Variants in PDCD6IP observed in about 807,000 individuals in gnomAD.
The protein encoded by PDCD6IP is programmed cell death 6 interacting protein.
PDCD6IP carries 43 observed loss-of-function variants against 103.7 expected under a neutral mutation model. That is an observed-to-expected ratio of 0.41 (90% CI 0.32 to 0.53). PDCD6IP has a LOEUF of 0.53. Among genes scored for constraint, PDCD6IP ranks in the 20% least tolerant of loss-of-function variants. PDCD6IP has a pLI of 0.16. For missense variants in PDCD6IP, 871 were observed against 1,036.7 expected, an observed-to-expected ratio of 0.84 and a Z score of 2.20; for synonymous variants, 354 against 378.7, an observed-to-expected ratio of 0.93 and a Z score of 0.76.
intron 6 of PDCD6IP, chr3:33,826,996 A>G (rs1309601309): frequency 1.0e-6 from 1 of 991,668 alleles, no homozygotes; most frequent in Non-Finnish European, 1.2e-6. Flanking sequence ...AAAAACAGAC[A>G]TAAAGAAAAA....
At chr3:33,814,804 G>T (rs1696806390) in intron 3 of PDCD6IP, among the ~76,000 whole-genome samples, 1 of 141,812 alleles carries the variant, frequency 7.1e-6, no homozygotes, top group Admixed American at 7.4e-5. Context: ...ATACATTTAT[G>T]TGTATGTATA....
At chr3:33,839,477 TTTTATGGTTATACGGCAGTATTCC>T (rs1559788400) in intron 9 of PDCD6IP, among the ~76,000 whole-genome samples, 1 of 76,932 alleles carries the variant, frequency 1.3e-5, no homozygotes, top group African/African-American at 4.9e-5. Flanking sequence ...CAGTATTCCA[TTTTATGGTTATACGGCAGTATTCC>T]ATTTTATGGT....
At chr3:33,854,392 G>A (rs1575941902) in intron 14 of PDCD6IP, among the ~76,000 whole-genome samples, 1 of 152,158 alleles carries the variant, frequency 6.6e-6, no homozygotes, top group Admixed American at 6.5e-5. Context: ...TGACTTTTAT[G>A]TTCTCTGCGG....
At chr3:33,852,032 T>G (rs568366521) in intron 12 of PDCD6IP, among the ~76,000 whole-genome samples, 1 of 152,292 alleles carries the variant, frequency 6.6e-6, no homozygotes, top group East Asian at 1.9e-4. Context: ...GGGAGTAGAA[T>G]GTAGAGTGGC....
intron 1 of PDCD6IP, among the ~76,000 whole-genome samples, chr3:33,810,039 CTTG>C (rs1463306027): frequency 6.6e-6 from 1 of 152,092 alleles, no homozygotes; most frequent in African/African-American, 2.4e-5. Context: ...AGTTAATAAG[CTTG>C]TTGTACTAAT....
At chr3:33,842,696 A>AT (rs1223797768) in intron 10 of PDCD6IP, among the ~76,000 whole-genome samples, 4 of 152,192 alleles carry the variant, frequency 2.6e-5, no homozygotes, top group African/African-American at 9.6e-5. Context: ...AAGTTCCTGT[A>AT]TATTTTTCAC....
intron 1 of PDCD6IP, among the ~76,000 whole-genome samples, chr3:33,801,975 G>A (rs1324994602): frequency 6.6e-6 from 1 of 152,162 alleles, no homozygotes; most frequent in Non-Finnish European, 1.5e-5. Context: ...TTTTTAGTAT[G>A]ACACCTGCAT....
chr3:33,860,835 A>G (rs990470980), intron 15 of PDCD6IP, among the ~76,000 whole-genome samples: 2 of 152,176 alleles, frequency 1.3e-5, no homozygotes, highest in Non-Finnish European at 1.5e-5. Flanking sequence ...TAGTGCTGGC[A>G]TGAATGTTGT....
chr3:33,858,993 A>G (rs1364534327), intron 15 of PDCD6IP, among the ~76,000 whole-genome samples: 3 of 152,236 alleles, frequency 2.0e-5, no homozygotes, highest in Non-Finnish European at 4.4e-5. Flanking sequence ...CAGGAAAACA[A>G]TAAAAAGAGT....
At chr3:33,842,403 A>G (rs1314432989) in intron 10 of PDCD6IP, among the ~76,000 whole-genome samples, 1 of 152,136 alleles carries the variant, frequency 6.6e-6, no homozygotes, top group Non-Finnish European at 1.5e-5. Flanking sequence ...CATAGCATGT[A>G]GCAAGATTTT....
intron 12 of PDCD6IP, among the ~76,000 whole-genome samples, chr3:33,846,897 G>C (rs981860882): frequency 3.3e-5 from 5 of 152,178 alleles, no homozygotes; most frequent in Non-Finnish European, 4.4e-5. Context: ...GTTACCTTTA[G>C]TGTAGAGTAA....
intron 6 of PDCD6IP, chr3:33,827,788 C>T (rs534099651): frequency 5.3e-5 from 8 of 152,248 alleles, no homozygotes; most frequent in African/African-American, 1.9e-4. Flanking sequence ...TCCAGCCTTA[C>T]CTTGAGAACT....
rs1698143647 is a variant in PDCD6IP, at chr3:33,869,624, T to TTTATC, written c.*3103_*3107dup. 6.6e-6 allele frequency: 1 copy of TTTATC among 152,188 alleles called. No individual in the cohort carries two copies. The highest frequency in any genetic ancestry group is 1.5e-5 in the Non-Finnish European group (1 of 68,020). 9.4% of individuals were successfully genotyped at this position (152,188 alleles called of 1,614,324 possible). ...TTGGATTATATTTTTATTGTATTCA[T>TTTATC]TTATCTTAGGGGGAACATTGTAAAG... On this transcript the variant is annotated 3_prime_UTR_variant, in exon 18 of 18. Transcript: ENST00000307296.
At chr3:33,864,167 C>T in intron 16 of PDCD6IP, 38 bp downstream of exon 16, 1 of 1,174,546 alleles carries the variant, frequency 8.5e-7, no homozygotes, top group East Asian at 2.4e-5. Context: ...AGAGGTTTTA[C>T]ATTAACGATG....
chr3:33,834,448 G>T (rs1005382075), intron 7 of PDCD6IP, among the ~76,000 whole-genome samples: 2 of 152,172 alleles, frequency 1.3e-5, no homozygotes, highest in Non-Finnish European at 2.9e-5. Context: ...AATTTAAAAA[G>T]TGATTTAAAT....
At chr3:33,823,014 G>T (rs1023741805) in intron 4 of PDCD6IP, among the ~76,000 whole-genome samples, 1 of 152,004 alleles carries the variant, frequency 6.6e-6, no homozygotes, top group Admixed American at 6.6e-5. Flanking sequence ...AACAGTAAAT[G>T]ATTACTGTTA....
At chr3:33,827,004 A>G in intron 6 of PDCD6IP, 5 of 992,460 alleles carry the variant, frequency 5.0e-6, no homozygotes, top group Non-Finnish European at 6.0e-6. Context: ...ACATAAAGAA[A>G]AAAGGAAAAG....
At chr3:33,856,307 AG>A (rs1697827764) in intron 15 of PDCD6IP, among the ~76,000 whole-genome samples, 1 of 152,232 alleles carries the variant, frequency 6.6e-6, no homozygotes, top group Admixed American at 6.5e-5. Context: ...GTAAGAAAAC[AG>A]GAAGTGATAA....
chr3:33,820,572 C>A (rs889091120), intron 3 of PDCD6IP, among the ~76,000 whole-genome samples: 8 of 152,198 alleles, frequency 5.3e-5, no homozygotes, highest in African/African-American at 1.9e-4. Flanking sequence ...CCTCCCCCTA[C>A]CACCATCCCT....
Sources: allele counts gnomAD v4.1 joint callset (sites outside exome capture counted in the v4.1 genomes callset), GRCh38; gene constraint gnomAD v4.1.1; transcripts MANE v1.5; gene names NCBI Gene and HGNC (gene_info 2026-07-23, HGNC 2026-07-21).